Variants in PIK3R2 observed in about 807,000 individuals in gnomAD.
PIK3R2 encodes the protein phosphatidylinositol 3-kinase regulatory subunit beta.
PIK3R2 carries 40 observed loss-of-function variants against 78.5 expected under a neutral mutation model. The ratio of observed to expected loss-of-function variants is 0.51; its 90% confidence interval spans 0.40 to 0.66. The LOEUF (loss-of-function observed/expected upper bound fraction) is 0.66, where lower values mean the gene tolerates loss of function less well. PIK3R2 is among the 30% of genes least tolerant of loss of function. The probability of loss-of-function intolerance (pLI) is 0.00; values close to 1 mark genes in which losing one functional copy is unlikely to be tolerated. For missense variants in PIK3R2, 880 were observed against 1,026.6 expected (o/e 0.86, Z 1.95); for synonymous variants, 473 against 457.7 (o/e 1.03, Z -0.43).
rs34055192 is a variant in PIK3R2, at chr19:18,154,916, GA to G, written c.-423-526del. On this transcript the variant is annotated intron_variant, in intron 1 of 15. Transcript: ENST00000222254. ...ACATAGCAAGACCCCACCTCTATTG[GA>G]AAAAAAAAAAAAAAGGCTGGGCAAG... Among the ~76,000 whole-genome samples the G allele has an allele frequency of 2.2e-3, 305 of 137,948 alleles. 1 individual carries two copies. The highest frequency in any genetic ancestry group is 5.0e-3 in the African/African-American group (185 of 36,802). The allele number at this position is 137,948 out of a possible 152,430, so 90.5% of individuals were successfully genotyped here.
chr19:18,163,798 G>A (rs1343737197), intron 11 of PIK3R2, among the ~76,000 whole-genome samples: 6 of 149,400 alleles, frequency 4.0e-5, no homozygotes, highest in African/African-American at 7.4e-5. Flanking sequence ...CTCCAGCCTG[G>A]GTGACAGGGC....
At position 18,168,735 on chromosome 19, in the gene PIK3R2, A is replaced by G. The variant is rs781747264; in HGVS notation, c.1818A>G (p.Ala606=). Residue 606 remains alanine (A), a synonymous_variant, in exon 15 of 16, where the codon GCA becomes GCG. Transcript: ENST00000222254. The surrounding 1 kb of genome is among the most constrained non-coding windows in gnomAD (Gnocchi z 4.1). ...CCGCCCCCCACCCCAGCCAGTACGCACTCATGGAGGACGAGGACGATCTCC... is the reference window on the plus strand; with the variant it reads ...CCGCCCCCCACCCCAGCCAGTACGCGCTCATGGAGGACGAGGACGATCTCC... The part of the protein sequence containing the change: ...GIKNETEDQY[A]LMEDEDDLPH... 1.9e-6 allele frequency: 3 copies of G among 1,594,508 alleles called. No individual in the cohort carries two copies. The highest frequency in any genetic ancestry group is 2.2e-5 in the South Asian group (2 of 90,678).
chr19:18,165,466 A>G (rs2043800270), intron 11 of PIK3R2, among the ~76,000 whole-genome samples: 4 of 151,854 alleles, frequency 2.6e-5, no homozygotes, highest in Non-Finnish European at 5.9e-5. Context: ...CCCAAGAGGC[A>G]GAGGTTGCAG....
chr19:18,163,820 T>G (rs950927801), intron 11 of PIK3R2, among the ~76,000 whole-genome samples: 73 of 11,780 alleles, frequency 6.2e-3, no homozygotes, highest in African/African-American at 0.012. Flanking sequence ...CGACCTTGTC[T>G]CTAAAAACAG....
chr19:18,167,031 G>C lies in PIK3R2; in HGVS notation c.1560-99G>C. ...CACACCTGTGGTCCCAGCTACTCGG[G>C]AGGCTGAGGTAGGAGGGTCACCTGA... is the stretch of plus-strand genomic sequence containing the variant. On this transcript the variant is annotated intron_variant, in intron 12 of 15. Coordinates refer to ENST00000222254, the MANE Select transcript of PIK3R2 (RefSeq NM_005027.4). The surrounding 1 kb of genome is among the most constrained non-coding windows in gnomAD (Gnocchi z 4.5). 1.0e-6 allele frequency: 1 copy of C among 975,828 alleles called. No individual in the cohort carries two copies. The highest frequency in any genetic ancestry group is 1.5e-6 in the Non-Finnish European group (1 of 684,888). 60.4% of individuals were successfully genotyped at this position (975,828 alleles called of 1,614,324 possible).
rs746815296 is a variant in PIK3R2, at chr19:18,156,189, G to T, written c.310G>T (p.Ala104Ser). Residue 104 changes from alanine (A) to serine (S), a missense_variant, in exon 2 of 16, where the codon GCC (alanine) becomes TCC (serine). By Grantham distance (99) the Ala-to-Ser change is moderately conservative. Transcript: ENST00000222254. The surrounding 1 kb of genome is among the most constrained non-coding windows in gnomAD (Gnocchi z 4.2). ...ACTGCCCGCCAGGCCCCGTGATGGG[G>T]CCCCTGAGCCAGGTGAGCAGCAAGC... ...RPLPARPRDG[A>S]PEPGLTLPDL... The T allele has an allele frequency of 3.4e-6, 5 of 1,461,242 alleles. No homozygotes were observed. In the Admixed American group the frequency reaches 1.4e-4, roughly 41 times the overall value. 90.5% of individuals were successfully genotyped at this position (1,461,242 alleles called of 1,614,324 possible). A position where few individuals can be genotyped will look rare whatever the true frequency, so the allele number is the denominator to read the frequency against.
intron 1 of PIK3R2, among the ~76,000 whole-genome samples, chr19:18,153,604 C>T (rs1022482309): frequency 3.3e-5 from 5 of 152,184 alleles, no homozygotes; most frequent in African/African-American, 1.2e-4. Context: ...CCGAGGGGCG[C>T]CCAGGCATTG....
At chr19:18,157,310 CCCTGGTAACAGCCACCTCCCT>C (rs2043687488) in intron 2 of PIK3R2, among the ~76,000 whole-genome samples, 1 of 152,196 alleles carries the variant, frequency 6.6e-6, no homozygotes, top group South Asian at 2.1e-4. Flanking sequence ...CTGCCTCTCC[CCCTGGTAACAGCCACCTCCCT>C]CCTCTGCCTG....
chr19:18,158,590 C>T (rs1289697720), intron 2 of PIK3R2, among the ~76,000 whole-genome samples: 4 of 151,484 alleles, frequency 2.6e-5, no homozygotes, highest in Non-Finnish European at 5.9e-5. Flanking sequence ...TAGGATTGCG[C>T]CACTGCACTC....
intron 2 of PIK3R2, 110 bp from the exon 3 acceptor site, chr19:18,160,361 A>G: frequency 1.4e-6 from 1 of 722,532 alleles, no homozygotes; most frequent in Non-Finnish European, 2.5e-6. Flanking sequence ...CACTTGCCTG[A>G]GCTGGGCCCT....
rs1483762544 is a variant in PIK3R2, at chr19:18,168,210, G to C, written c.1737-265G>C. ...CCTCTGGTGATGATGAGGGGCCTGG[G>C]CTGGCATCTTCTTGGGGGACTCCAT... On this transcript the variant is annotated intron_variant, in intron 13 of 15. Transcript: ENST00000222254. The surrounding 1 kb of genome is among the most constrained non-coding windows in gnomAD (Gnocchi z 4.1). Among the ~76,000 whole-genome samples the C allele has an allele frequency of 2.6e-5, 4 of 152,192 alleles. No homozygotes were observed. The highest frequency in any genetic ancestry group is 5.9e-5 in the Non-Finnish European group (4 of 68,030).
In PIK3R2 at chr19:18,161,802, A is replaced by G. The variant is rs879003037; in HGVS notation, c.816-164A>G. ...TATGGAGCACTTACTGCATACAGCT[A>G]TGAGGGAGCTGGCCTCGCACATGTG... On this transcript the variant is annotated intron_variant, in intron 6 of 15. Transcript: ENST00000222254. This position sits in a 1 kb window ranked among gnomAD's most constrained non-coding sequence, Gnocchi z 5.3. Among the ~76,000 whole-genome samples, 18 of 152,316 alleles carry G rather than the reference A, an allele frequency of 1.2e-4. No homozygotes were observed. The South Asian group carries it at 2.1e-3, about 18-fold the overall frequency.
chr19:18,166,127 C>G, intron 11 of PIK3R2, 33 bp from the exon 12 acceptor site: 1 of 1,613,142 alleles, frequency 6.2e-7, no homozygotes. Flanking sequence ...TTGGGGAGTC[C>G]CAGGAGGTGC....
Position 18,169,098 on chromosome 19 carries a change from A to G in PIK3R2, c.1991A>G (p.Asp664Gly), listed in dbSNP as rs2147960404. The G allele has an allele frequency of 6.2e-7, 1 of 1,610,570 alleles. No individual in the cohort carries two copies. Among genetic ancestry groups the G allele is most frequent in the African/African-American group, 1.3e-5 (1 of 74,980 alleles). ...CYACSVVVDGDTKHCVIYRTA... is the reference protein window; with the variant it reads ...CYACSVVVDGGTKHCVIYRTA... ...GTCTGCCCCCACAGAGTGGACGGCGACACCAAGCACTGCGTCATCTACCGC... is the reference window on the plus strand; with the variant it reads ...GTCTGCCCCCACAGAGTGGACGGCGGCACCAAGCACTGCGTCATCTACCGC... Residue 664 changes from aspartate (D) to glycine (G), a missense_variant, in exon 16 of 16, where the codon GAC (aspartate) becomes GGC (glycine). Physicochemically the swap from Asp to Gly is moderately conservative, Grantham distance 94. This residue lies in a region of PIK3R2 where 268 missense variants were observed against 299.1 expected (regional missense o/e 0.90). Coordinates refer to ENST00000222254, the MANE Select transcript of PIK3R2 (RefSeq NM_005027.4).
In PIK3R2 at chr19:18,170,239, T is replaced by G. The variant is rs1472702623; in HGVS notation, c.*945T>G. On this transcript the variant is annotated 3_prime_UTR_variant, in exon 16 of 16. Transcript: ENST00000222254. ...AAAATAAATAAATAAACTTGTGAGC[T>G]GGCCCCAACCCCTCCTAGGAATCAC... The G allele has an allele frequency of 6.6e-6, 1 of 152,574 alleles. No individual in the cohort carries two copies. Among genetic ancestry groups the G allele is most frequent in the Non-Finnish European group, 1.5e-5 (1 of 68,320 alleles). 9.5% of individuals were successfully genotyped at this position (152,574 alleles called of 1,614,324 possible).
At position 18,169,913 on chromosome 19, in the gene PIK3R2, T is replaced by A. The variant is rs1312552084; in HGVS notation, c.*619T>A. The stretch of plus-strand genomic sequence containing the variant: ...AGAAGTTCACCCACCCCCGAAAAAA[T>A]AATTAAACTCGCAGGCCAGGCACGG... On this transcript the variant is annotated 3_prime_UTR_variant, in exon 16 of 16. Transcript: ENST00000222254. The A allele has an allele frequency of 5.2e-6, 1 of 191,986 alleles. No homozygotes were observed. Among genetic ancestry groups the A allele is most frequent in the Non-Finnish European group, 1.1e-5 (1 of 91,632 alleles). 11.9% of individuals were successfully genotyped at this position (191,986 alleles called of 1,614,324 possible). A position where few individuals can be genotyped will look rare whatever the true frequency, so the allele number is the denominator to read the frequency against.
chr19:18,160,823 CAA>C, intron 3 of PIK3R2, 94 bp from the exon 4 acceptor site: 1 of 1,441,834 alleles, frequency 6.9e-7, no homozygotes, highest in Admixed American at 2.0e-5. Flanking sequence ...CTCTGGGCAG[CAA>C]AGGGAGACTG....
chr19:18,161,345 T>C lies in PIK3R2; in HGVS notation c.665T>C (p.Leu222Pro). The change falls in exon 6 of 16, where the codon CTG (leucine) becomes CCG (proline). Residue 222 changes from leucine (L) to proline (P), a missense_variant. Coordinates refer to ENST00000222254, the MANE Select transcript of PIK3R2 (RefSeq NM_005027.4). This position sits in a 1 kb window ranked among gnomAD's most constrained non-coding sequence, Gnocchi z 5.3. ...CTGCCGCTGCACCGCGCGCTCACGC[T>C]GCGCTTCCTGCTCCAGCACCTGGGC... Reference protein sequence around the residue: ...PTLPLHRALTLRFLLQHLGRV... With the variant: ...PTLPLHRALTPRFLLQHLGRV... 1 of 1,323,750 alleles carries C rather than the reference T, an allele frequency of 7.6e-7. No homozygotes were observed. The highest frequency in any genetic ancestry group is 2.0e-5 in the South Asian group (1 of 49,958). The allele number at this position is 1,323,750 out of a possible 1,614,324, so 82.0% of individuals were successfully genotyped here. A position where few individuals can be genotyped will look rare whatever the true frequency, so the allele number is the denominator to read the frequency against.
At position 18,161,094 on chromosome 19, in the gene PIK3R2, C is replaced by T. The variant is rs370004203; in HGVS notation, c.507C>T (p.Ala169=). ...ACGTGGATCAGTGGGACACGGCAGC[C>T]CTGGCTGACGGCATTAAGAGCTTCC... ...LSDVDQWDTA[A]LADGIKSFLL... Residue 169 remains alanine, a synonymous_variant, in exon 5 of 16, where the codon GCC becomes GCT. Coordinates refer to ENST00000222254, the MANE Select transcript of PIK3R2 (RefSeq NM_005027.4). The surrounding 1 kb of genome is among the most constrained non-coding windows in gnomAD (Gnocchi z 5.3). 6.2e-7 allele frequency: 1 copy of T among 1,605,932 alleles called. No homozygotes were observed. The highest frequency in any genetic ancestry group is 8.5e-7 in the Non-Finnish European group (1 of 1,177,030).
Sources: gnomAD v4.1 joint callset for allele counts (sites outside exome capture counted in the v4.1 genomes callset) on GRCh38, gnomAD v4.1.1 for gene constraint, gnomAD v4.1.1 regional missense constraint, Gnocchi (gnomAD v3.1) non-coding constraint, MANE v1.5 for transcripts, NCBI Gene and HGNC (gene_info 2026-07-23, HGNC 2026-07-21) for gene names.